TMEFF2: variants seen among roughly 807,000 people sequenced by gnomAD.
TMEFF2 encodes the protein tomoregulin-2.
A neutral mutation model predicts 53.8 loss-of-function variants in TMEFF2; 28 were observed. The ratio of observed to expected loss-of-function variants is 0.52; its 90% CI spans 0.39 to 0.71. The LOEUF (loss-of-function observed/expected upper bound fraction) is 0.71. Ranked by LOEUF, TMEFF2 falls within the 30% of genes least tolerant of loss-of-function variation. The pLI, the probability that TMEFF2 is intolerant of heterozygous loss-of-function variation, is 0.00. For synonymous variants in TMEFF2, 162 were observed against 166.3 expected (o/e 0.97, Z 0.20); for missense variants, 353 against 455.2 (o/e 0.78, Z 2.04).
At chr2:192,063,279 C>A (rs768042181) in intron 4 of TMEFF2, among the ~76,000 whole-genome samples, 3 of 151,706 alleles carry the variant, frequency 2.0e-5, no homozygotes, top group South Asian at 2.1e-4. Context: ...ATTGGAATAT[C>A]CTTTGAGATT....
At chr2:192,178,515 A>C (rs1382460954) in intron 4 of TMEFF2, 3 of 45,516 alleles carry the variant, frequency 6.6e-5, no homozygotes, top group Non-Finnish European at 1.5e-4. Flanking sequence ...GTTCAGTTTT[A>C]GTCTTTAGGA....
intron 2 of TMEFF2, among the ~76,000 whole-genome samples, chr2:192,185,917 A>G (rs1262045472): frequency 8.5e-5 from 13 of 152,112 alleles, no homozygotes. Context: ...AATTGTGATC[A>G]ACTTTTTTCC....
intron 4 of TMEFF2, among the ~76,000 whole-genome samples, chr2:192,140,072 A>T (rs1021096525): frequency 6.6e-6 from 1 of 152,218 alleles, no homozygotes; most frequent in African/African-American, 2.4e-5. Flanking sequence ...ATTTTAAATG[A>T]TCTTGACAGG....
At chr2:192,158,723 GA>G (rs909640292) in intron 4 of TMEFF2, among the ~76,000 whole-genome samples, 3 of 151,936 alleles carry the variant, frequency 2.0e-5, no homozygotes, top group Non-Finnish European at 4.4e-5. Context: ...CCTAAAGCTA[GA>G]AAAACAACCA....
rs145151050 is a variant in TMEFF2, at chr2:192,011,930, A to G, written c.537-12722T>C. Among the ~76,000 whole-genome samples, 1,055 of 152,182 alleles carry G rather than the reference A, an allele frequency of 6.9e-3. 7 individuals are homozygous for G. The highest frequency in any genetic ancestry group is 8.9e-3 in the Non-Finnish European group (605 of 67,994). ...GAGACAGCGTCTCGCTCTGTCATCC[A>G]GGCTGGAGTGCAGTGGCGCAGTCTC... On this transcript the variant is annotated intron_variant, in intron 5 of 9. Coordinates refer to ENST00000272771, the MANE Select transcript of TMEFF2 (RefSeq NM_016192.4).
intron 4 of TMEFF2, among the ~76,000 whole-genome samples, chr2:192,136,630 T>A (rs1347785518): frequency 6.6e-6 from 1 of 152,136 alleles, no homozygotes; most frequent in Admixed American, 6.6e-5. Flanking sequence ...CTTTGCGGAT[T>A]ATTTCTTCTC....
chr2:192,119,719 G>A lies in TMEFF2; in HGVS notation c.439+59949C>T, dbSNP rs144689628. ...CCTGCTTTAACTTTGACAGTACAGG[G>A]AGGGAGTTTGTTTCTAATGCAGCTT... On this transcript the variant is annotated intron_variant, in intron 4 of 9. Transcript: ENST00000272771. Among the ~76,000 whole-genome samples the A allele has an allele frequency of 2.3e-3, 346 of 152,300 alleles. 2 individuals are homozygous for A. Among genetic ancestry groups the A allele is most frequent in the African/African-American group, 7.9e-3 (327 of 41,572 alleles).
chr2:191,991,834 G>A (rs1686117751), intron 7 of TMEFF2, among the ~76,000 whole-genome samples: 1 of 152,060 alleles, frequency 6.6e-6, no homozygotes, highest in Non-Finnish European at 1.5e-5. Context: ...CTCTTCAGTG[G>A]AAAATCTTCA....
chr2:191,961,218 T>C (rs867312252), intron 7 of TMEFF2, among the ~76,000 whole-genome samples: 17 of 152,194 alleles, frequency 1.1e-4, no homozygotes, highest in African/African-American at 3.9e-4. Flanking sequence ...CTATGTAATG[T>C]ATTGCCTTTC....
Position 192,159,100 on chromosome 2 carries a change from G to A in TMEFF2, c.439+20568C>T, listed in dbSNP as rs564154811. ...AAAGATTATTTTGTAACCCCACAGT[G>A]CTAAAAGCATTGTAGATAAATAATA... On this transcript the variant is annotated intron_variant, in intron 4 of 9. Coordinates refer to ENST00000272771, the MANE Select transcript of TMEFF2 (RefSeq NM_016192.4). Among the ~76,000 whole-genome samples, 51 of 152,214 alleles carry A rather than the reference G, an allele frequency of 3.4e-4. 3 individuals carry two copies. The Middle Eastern group carries it at 0.02, about 61-fold the overall frequency.
At chr2:192,040,495 T>C (rs755582159) in intron 5 of TMEFF2, among the ~76,000 whole-genome samples, 26 of 152,108 alleles carry the variant, frequency 1.7e-4, no homozygotes, top group Non-Finnish European at 3.5e-4. Context: ...TGTATAAGGA[T>C]TAAAATATAA....
chr2:192,148,957 G>T (rs1559147057), intron 4 of TMEFF2, among the ~76,000 whole-genome samples: 1 of 151,822 alleles, frequency 6.6e-6, no homozygotes, highest in Non-Finnish European at 1.5e-5. Flanking sequence ...TGTCCAGGAG[G>T]TCCCTAAGTC....
intron 4 of TMEFF2, among the ~76,000 whole-genome samples, chr2:192,063,282 T>C (rs1371810751): frequency 1.3e-5 from 2 of 151,924 alleles, no homozygotes; most frequent in East Asian, 3.9e-4. Flanking sequence ...GGAATATCCT[T>C]TGAGATTTCT....
chr2:192,015,185 G>A (rs1044433648), intron 5 of TMEFF2, among the ~76,000 whole-genome samples: 3 of 151,880 alleles, frequency 2.0e-5, no homozygotes, highest in African/African-American at 7.3e-5. Flanking sequence ...ATAAGGTTTA[G>A]GCTAAACAAA....
chr2:192,141,390 T>C (rs1690134143), intron 4 of TMEFF2, among the ~76,000 whole-genome samples: 2 of 149,996 alleles, frequency 1.3e-5, no homozygotes, highest in Admixed American at 1.3e-4. Context: ...AAGTCGGAGG[T>C]TGCAGTGAGC....
intron 4 of TMEFF2, among the ~76,000 whole-genome samples, chr2:192,069,414 C>G (rs1302138366): frequency 1.3e-5 from 2 of 151,024 alleles, no homozygotes; most frequent in Non-Finnish European, 3.0e-5. Flanking sequence ...AAATAGATAA[C>G]AAGAAGAAAA....
At chr2:191,973,470 C>G (rs1356098119) in intron 7 of TMEFF2, among the ~76,000 whole-genome samples, 1 of 95,640 alleles carries the variant, frequency 1.0e-5, no homozygotes, top group African/African-American at 3.5e-5. Flanking sequence ...CATATATATA[C>G]CTATACATGC....
At chr2:192,105,517 T>G (rs568488395) in intron 4 of TMEFF2, among the ~76,000 whole-genome samples, 4 of 152,062 alleles carry the variant, frequency 2.6e-5, no homozygotes, top group South Asian at 2.1e-4. Flanking sequence ...TATTTCTATT[T>G]TGTGAATAAT....
At chr2:192,111,190 C>G (rs1201769621) in intron 4 of TMEFF2, among the ~76,000 whole-genome samples, 1 of 151,996 alleles carries the variant, frequency 6.6e-6, no homozygotes, top group African/African-American at 2.4e-5. Context: ...GGGTGACAGG[C>G]AGAGGTTGGA....
Sources: gnomAD v4.1 joint callset for allele counts (sites outside exome capture counted in the v4.1 genomes callset) on GRCh38, gnomAD v4.1.1 for gene constraint, MANE v1.5 for transcripts, NCBI Gene and HGNC (gene_info 2026-07-23, HGNC 2026-07-21) for gene names.